Variants in PKD2 observed in about 807,000 individuals in gnomAD.
PKD2 encodes the protein polycystin-2.
A neutral mutation model predicts 105.9 loss-of-function variants in PKD2; 48 were observed. The observed-to-expected ratio is 0.45, with a 90% CI of 0.36 to 0.58. The LOEUF (loss-of-function observed/expected upper bound fraction) is 0.58. Ranked by LOEUF, PKD2 falls within the 20% of genes least tolerant of loss-of-function variation. PKD2 has a pLI of 0.00. For synonymous variants in PKD2, 464 were observed against 481.1 expected, an observed-to-expected ratio of 0.96 and a Z score of 0.46; for missense variants, 1,078 against 1,255.3, an observed-to-expected ratio of 0.86 and a Z score of 2.13.
chr4:88,041,343 T>G (rs1311056725), intron 4 of PKD2, among the ~76,000 whole-genome samples: 1 of 152,184 alleles, frequency 6.6e-6, no homozygotes, highest in Non-Finnish European at 1.5e-5. Flanking sequence ...CTCTTGGTTA[T>G]TGCAGACTTT....
Position 88,036,257 on chromosome 4 carries a change from C to T in PKD2, c.747C>T (p.Tyr249=), listed in dbSNP as rs1727326643. The T allele has an allele frequency of 6.2e-7, 1 of 1,613,706 alleles. No individual in the cohort carries two copies. Among genetic ancestry groups the T allele is most frequent in the African/African-American group, 1.3e-5 (1 of 74,902 alleles). Reference sequence around the variant, plus strand: ...TGATGAGCTCCAATGTGTACTACTACACCCGGATGATGTCACAGCTCTTCC... The same window carrying T: ...TGATGAGCTCCAATGTGTACTACTATACCCGGATGATGTCACAGCTCTTCC... ...YGMMSSNVYY[Y]TRMMSQLFLD... is the part of the protein sequence containing the mutation. The change falls in exon 3 of 15, where the codon TAC becomes TAT. Residue 249 remains tyrosine (Y), a synonymous_variant. Coordinates refer to ENST00000237596, the MANE Select transcript of PKD2 (RefSeq NM_000297.4).
intron 4 of PKD2, among the ~76,000 whole-genome samples, 167 bp downstream of exon 4, chr4:88,038,668 A>T (rs1460950557): frequency 2.0e-5 from 3 of 152,194 alleles, no homozygotes; most frequent in Non-Finnish European, 4.4e-5. Flanking sequence ...TTGACTTCTT[A>T]AGTTTTCACT....
intron 13 of PKD2, among the ~76,000 whole-genome samples, chr4:88,071,602 A>G (rs1721035721): frequency 6.6e-6 from 1 of 151,620 alleles, no homozygotes; most frequent in African/African-American, 2.4e-5. Context: ...CATGTTAGAT[A>G]ATATATTGTA....
intron 13 of PKD2, among the ~76,000 whole-genome samples, chr4:88,071,996 T>C (rs1343123628): frequency 6.8e-6 from 1 of 147,068 alleles, no homozygotes; most frequent in African/African-American, 2.5e-5. Flanking sequence ...TTTTTTTTTT[T>C]TTTTGAGACA....
rs1043137517 is a variant in PKD2 at position 88,055,103 on chromosome 4, C to T, written c.1717-983C>T. On this transcript the variant is annotated intron_variant, in intron 7 of 14. Coordinates refer to ENST00000237596, the MANE Select transcript of PKD2 (RefSeq NM_000297.4). ...GTTCACTGTCTACCAGCAGGGTTCA[C>T]TATCTACCAACATGCTCAATATTTC... Among the ~76,000 whole-genome samples, 4 of 152,172 alleles carry T rather than the reference C, an allele frequency of 2.6e-5. No homozygotes were observed. In the East Asian group the frequency reaches 7.7e-4, roughly 29 times the overall value.
chr4:88,015,840 C>A (rs902076396), intron 1 of PKD2, among the ~76,000 whole-genome samples: 2 of 152,098 alleles, frequency 1.3e-5, no homozygotes, highest in African/African-American at 2.4e-5. Flanking sequence ...TACAGAGTTC[C>A]CCAGTGTTCC....
In PKD2 at chr4:88,076,575, A is replaced by G. The variant is rs892360930; in HGVS notation, c.*881A>G. The G allele has an allele frequency of 1.3e-5, 2 of 152,242 alleles. No individual in the cohort carries two copies. Among genetic ancestry groups the G allele is most frequent in the African/African-American group, 4.8e-5 (2 of 41,464 alleles). The allele number at this position is 152,242 out of a possible 1,614,324, so 9.4% of individuals were successfully genotyped here. A position where few individuals can be genotyped will look rare whatever the true frequency, so the allele number is the denominator to read the frequency against. The stretch of plus-strand genomic sequence containing the variant: ...TGTTATAACTCATCTAGTGAGACCA[A>G]CTTACTAAATTTTTAGTATGCACTG... On this transcript the variant is annotated 3_prime_UTR_variant, in exon 15 of 15. Transcript: ENST00000237596.
At chr4:88,065,695 GTC>G in intron 11 of PKD2, 65 bp from the exon 12 acceptor site, 1 of 1,271,456 alleles carries the variant, frequency 7.9e-7, no homozygotes. Flanking sequence ...GCATTTTGAT[GTC>G]TCTGTGTTGA....
At chr4:88,038,102 A>G in intron 3 of PKD2, 149 bp from the exon 4 acceptor site, 2 of 864,638 alleles carry the variant, frequency 2.3e-6, no homozygotes, top group Non-Finnish European at 3.8e-6. Context: ...GCAAGATGCT[A>G]TCCCAAATCT....
In PKD2 at chr4:88,035,472, A is replaced by G. The variant is rs142200568; in HGVS notation, c.710-748A>G. Among the ~76,000 whole-genome samples, 17 of 152,244 alleles carry G rather than the reference A, an allele frequency of 1.1e-4. No homozygotes were observed. In the East Asian group the frequency reaches 1.7e-3, roughly 16 times the overall value. On this transcript the variant is annotated intron_variant, in intron 2 of 14. Transcript: ENST00000237596. ...GAGAACCAACAAGGGGAAGTGATGC[A>G]CTCAAAAAGTTACTACCTCCAGGCT...
At chr4:88,008,735 G>A (rs979766535) in intron 1 of PKD2, among the ~76,000 whole-genome samples, 1 of 152,034 alleles carries the variant, frequency 6.6e-6, no homozygotes, top group Admixed American at 6.5e-5. Flanking sequence ...AAAGGAAAAT[G>A]TTATAGTCAC....
intron 10 of PKD2, 65 bp downstream of exon 10, chr4:88,062,069 A>G: frequency 2.4e-6 from 2 of 829,988 alleles, no homozygotes; most frequent in East Asian, 2.4e-5. Context: ...TGTTTCACCC[A>G]GATTTTCAAA....
intron 5 of PKD2, among the ~76,000 whole-genome samples, chr4:88,045,803 G>A (rs1727744619): frequency 6.6e-6 from 1 of 152,152 alleles, no homozygotes; most frequent in Non-Finnish European, 1.5e-5. Context: ...CTGGGAAGAA[G>A]AGAGAAAACT....
At chr4:88,065,593 CTTTTTTT>C in intron 11 of PKD2, 98 bp downstream of exon 11, 1 of 1,072,410 alleles carries the variant, frequency 9.3e-7, no homozygotes, top group Non-Finnish European at 1.4e-6. Context: ...CATACAGATA[CTTTTTTT>C]TTTTTTTTCC....
rs867106539 is a variant in PKD2, at chr4:88,070,633, G to C, written c.2522+2572G>C. On this transcript the variant is annotated intron_variant, in intron 13 of 14. Coordinates refer to ENST00000237596, the MANE Select transcript of PKD2 (RefSeq NM_000297.4). ...AGAGAGAGAGAGAGAGAGAGAAAGAGAGAGAGAGAGAGACAGGGAGACAGG... is the reference window on the plus strand; with the variant it reads ...AGAGAGAGAGAGAGAGAGAGAAAGACAGAGAGAGAGAGACAGGGAGACAGG... 2.7e-5 allele frequency among the ~76,000 whole-genome samples: 4 copies of C among 147,030 alleles called. No homozygotes were observed. In the East Asian group the frequency reaches 7.9e-4, roughly 29 times the overall value.
chr4:88,027,438 A>G (rs1362428197), intron 2 of PKD2, among the ~76,000 whole-genome samples: 1 of 152,164 alleles, frequency 6.6e-6, no homozygotes, highest in Non-Finnish European at 1.5e-5. Context: ...GGGAACATAT[A>G]CCCAATGCCT....
chr4:88,070,577 TATATATA>T (rs1560629861), intron 13 of PKD2, among the ~76,000 whole-genome samples: 2 of 81,144 alleles, frequency 2.5e-5, no homozygotes, highest in African/African-American at 7.8e-5. Context: ...ATTTATTTTA[TATATATA>T]TATATATATA....
intron 5 of PKD2, 29 bp from the exon 6 acceptor site, chr4:88,046,613 T>C (rs753113036): frequency 8.0e-7 from 1 of 1,244,208 alleles, no homozygotes. Context: ...GTTGTTGTTA[T>C]TGTTTTAATT....
rs72873461 is a variant in PKD2 at position 88,019,371 on chromosome 4, T to A, written c.596-87T>A. 6,768 of 748,214 alleles carry A rather than the reference T, an allele frequency of 9.0e-3. 338 individuals are homozygous for A. In the African/African-American group the frequency reaches 0.11, roughly 12 times the overall value. The allele number at this position is 748,214 out of a possible 1,614,324, so 46.3% of individuals were successfully genotyped here. A position where few individuals can be genotyped will look rare whatever the true frequency, so the allele number is the denominator to read the frequency against. ...GAATCTCCCTTATAGGTGAACTTTTTAATTTGTGCTTTATTTTCCCTTTTG... is the reference window on the plus strand; with the variant it reads ...GAATCTCCCTTATAGGTGAACTTTTAAATTTGTGCTTTATTTTCCCTTTTG... On this transcript the variant is annotated intron_variant, in intron 1 of 14. Transcript: ENST00000237596.
Sources: allele counts gnomAD v4.1 joint callset (sites outside exome capture counted in the v4.1 genomes callset), GRCh38; gene constraint gnomAD v4.1.1; transcripts MANE v1.5; gene names NCBI Gene and HGNC (gene_info 2026-07-23, HGNC 2026-07-21).